Variants in MIIP observed in about 807,000 individuals in gnomAD.
The protein encoded by MIIP is migration and invasion inhibitory protein, also known as migration and invasion-inhibitory protein.
In MIIP, 44 loss-of-function variants were observed where a neutral mutation model predicts 44.8. The ratio of observed to expected loss-of-function variants is 0.98; its 90% CI spans 0.77 to 1.26. The LOEUF is 1.26. Among genes scored for constraint, MIIP ranks in the 50% most tolerant of loss-of-function variants. MIIP has a pLI of 0.00. For synonymous variants in MIIP, 225 were observed against 218.3 expected (o/e 1.03, Z -0.27); for missense variants, 496 against 511.7 (o/e 0.97, Z 0.30).
Position 12,029,781 on chromosome 1 carries a change from T to C in MIIP, c.732T>C (p.Arg244=), listed in dbSNP as rs748247221. The C allele has an allele frequency of 9.3e-6, 15 of 1,613,152 alleles. No homozygotes were observed. In the East Asian group the frequency reaches 2.9e-4, roughly 31 times the overall value. The change falls in exon 7 of 10, where the codon CGT becomes CGC. Residue 244 remains arginine, a synonymous_variant. Transcript: ENST00000235332. ...EEDHECVYCY[R]VNRRLFPVPV... is the part of the protein sequence containing the mutation. ...GCCTCGCAGGCGTGTACTGTTACCG[T>C]GTCAACCGGCGCCTGTTCCCGGTGC...
At position 12,022,370 on chromosome 1, in the gene MIIP, G is replaced by C; in HGVS notation, c.390G>C (p.Arg130Ser). 1.2e-6 allele frequency: 2 copies of C among 1,613,058 alleles called. No homozygotes were observed. The highest frequency in any genetic ancestry group is 1.1e-5 in the South Asian group (1 of 91,018). ...TGAGGGACCCAGAGCCCTCAGGGAG[G>C]CTGGGTGATCCAGGACCCCAGGAGG... ...SSLRDPEPSG[R>S]LGDPGPQEAQ... The change falls in exon 3 of 10, where the codon AGG (arginine) becomes AGC (serine). Residue 130 changes from arginine to serine, a missense_variant. Transcript: ENST00000235332.
chr1:12,022,227 G>T lies in MIIP; in HGVS notation c.247G>T (p.Asp83Tyr), dbSNP rs1224139483. 2 of 1,613,006 alleles carry T rather than the reference G, an allele frequency of 1.2e-6. No individual in the cohort carries two copies. Among genetic ancestry groups the T allele is most frequent in the Non-Finnish European group, 1.7e-6 (2 of 1,179,590 alleles). Residue 83 changes from aspartate to tyrosine, a missense_variant, in exon 3 of 10, where the codon GAC becomes TAC. Asp to Tyr is a radical substitution (Grantham distance 160, BLOSUM62 -3). Coordinates refer to ENST00000235332, the MANE Select transcript of MIIP (RefSeq NM_021933.4). ...VWGPPDACRGDLRDVARSGVA... is the reference protein window; with the variant it reads ...VWGPPDACRGYLRDVARSGVA... ...GGGCCCACCAGATGCCTGTCGAGGG[G>T]ACCTCCGTGATGTGGCCAGATCGGG...
rs771058460 is a variant in MIIP at position 12,029,885 on chromosome 1, C to T, written c.836C>T (p.Ala279Val). 28 of 1,612,548 alleles carry T rather than the reference C, an allele frequency of 1.7e-5. No individual in the cohort carries two copies. The highest frequency in any genetic ancestry group is 8.3e-5 in the Admixed American group (5 of 59,922). ...QQGPGTLAQP[A>V]HVRVSIPLSI... ...GGCCCTGGGACCCTGGCGCAGCCAGCGCACGTCAGGTGAGTGACCAGAGTA... is the reference window on the plus strand; with the variant it reads ...GGCCCTGGGACCCTGGCGCAGCCAGTGCACGTCAGGTGAGTGACCAGAGTA... Residue 279 changes from alanine (A) to valine (V), a missense_variant, in exon 7 of 10, where the codon GCG (alanine) becomes GTG (valine). Coordinates refer to ENST00000235332, the MANE Select transcript of MIIP (RefSeq NM_021933.4).
chr1:12,027,689 C>T (rs1004029301), intron 4 of MIIP, among the ~76,000 whole-genome samples: 1 of 152,148 alleles, frequency 6.6e-6, no homozygotes, highest in African/African-American at 2.4e-5. Context: ...GTATCTCTAG[C>T]CCGCACCTCT....
Position 12,029,121 on chromosome 1 carries a change from G to T in MIIP, c.636G>T (p.Glu212Asp). The change falls in exon 5 of 10, where the codon GAG becomes GAT. Residue 212 changes from glutamate (E) to aspartate (D), a missense_variant. By Grantham distance (45) the Glu-to-Asp change is conservative. Transcript: ENST00000235332. ...LQEFRETNKE[E>D]CICSHPEPQL... ...AGTTTCGGGAAACCAACAAGGAGGA[G>T]TGTATCTGCAGCCATCCTGAGTGAG... is the stretch of plus-strand genomic sequence containing the variant. The T allele has an allele frequency of 5.0e-6, 8 of 1,614,126 alleles. No homozygotes were observed. Among genetic ancestry groups the T allele is most frequent in the Non-Finnish European group, 6.8e-6 (8 of 1,179,966 alleles).
intron 1 of MIIP, among the ~76,000 whole-genome samples, chr1:12,020,513 A>G (rs1639948155): frequency 6.6e-6 from 1 of 152,078 alleles, no homozygotes; most frequent in Non-Finnish European, 1.5e-5. Context: ...TGTTTTTTGT[A>G]TTTTGTGTGT....
chr1:12,031,227 G>T, intron 8 of MIIP, 39 bp from the exon 9 acceptor site: 1 of 1,595,824 alleles, frequency 6.3e-7, no homozygotes, highest in African/African-American at 1.3e-5. Flanking sequence ...CGGGGAGCTT[G>T]TCCCAGGTCA....
chr1:12,027,999 G>A (rs1007879673), intron 4 of MIIP, among the ~76,000 whole-genome samples: 1 of 152,112 alleles, frequency 6.6e-6, no homozygotes, highest in East Asian at 1.9e-4. Flanking sequence ...ATCAGGCCAG[G>A]AGTTTGAGAA....
In MIIP at chr1:12,030,056, C is replaced by T. The variant is rs562419243; in HGVS notation, c.874C>T (p.Pro292Ser). 2.5e-6 allele frequency: 4 copies of T among 1,613,530 alleles called. No homozygotes were observed. The African/African-American group carries it at 4.0e-5, about 16-fold the overall frequency. Residue 292 changes from proline to serine, a missense_variant, in exon 8 of 10, where the codon CCC becomes TCC. Coordinates refer to ENST00000235332, the MANE Select transcript of MIIP (RefSeq NM_021933.4). Reference protein sequence around the residue: ...RVSIPLSILEPPHRYHIHRRK... With the variant: ...RVSIPLSILESPHRYHIHRRK... ...GAGCATCCCGCTGTCGATCCTGGAG[C>T]CCCCGCACCGGTACCACATCCACCG...
Sources: gnomAD v4.1 joint callset for allele counts (sites outside exome capture counted in the v4.1 genomes callset) on GRCh38, gnomAD v4.1.1 for gene constraint, MANE v1.5 for transcripts, NCBI Gene and HGNC (gene_info 2026-07-23, HGNC 2026-07-21) for gene names.